Variants in MCF2L2 observed in about 807,000 individuals in gnomAD.
MCF2L2 encodes the protein probable guanine nucleotide exchange factor MCF2L2.
A neutral mutation model predicts 150.2 loss-of-function variants in MCF2L2; 102 were observed. The ratio of observed to expected loss-of-function variants is 0.68; its 90% CI spans 0.58 to 0.80. The LOEUF is 0.80. Ranked by LOEUF, MCF2L2 falls within the 30% of genes least tolerant of loss-of-function variation. The pLI is 0.00. For missense variants in MCF2L2, 1,256 were observed against 1,372.8 expected, an observed-to-expected ratio of 0.91 and a Z score of 1.34; for synonymous variants, 465 against 491.3, an observed-to-expected ratio of 0.95 and a Z score of 0.71.
intron 22 of MCF2L2, among the ~76,000 whole-genome samples, chr3:183,213,419 AT>A (rs1271157044): frequency 6.6e-6 from 1 of 151,904 alleles, no homozygotes; most frequent in South Asian, 2.1e-4. Flanking sequence ...ATCAGAAGGG[AT>A]TTTTTTCTAG....
intron 13 of MCF2L2, among the ~76,000 whole-genome samples, chr3:183,290,954 T>A (rs1728106257): frequency 6.6e-6 from 1 of 152,232 alleles, no homozygotes; most frequent in African/African-American, 2.4e-5. Context: ...CAGAGGCCCC[T>A]TCCAACCCTT....
chr3:183,269,522 G>C, intron 15 of MCF2L2: 2 of 355,284 alleles, frequency 5.6e-6, no homozygotes, highest in Non-Finnish European at 5.1e-6. Flanking sequence ...TCACATGGGA[G>C]AGCCGCATGA....
intron 15 of MCF2L2, among the ~76,000 whole-genome samples, chr3:183,234,707 T>TTA (rs1553885347): frequency 8.8e-6 from 1 of 113,968 alleles, no homozygotes; most frequent in Admixed American, 9.6e-5. Context: ...TTTTTTTTTT[T>TTA]TTATTATACT....
chr3:183,278,989 A>G (rs1727323654), intron 14 of MCF2L2, among the ~76,000 whole-genome samples: 1 of 152,216 alleles, frequency 6.6e-6, no homozygotes, highest in Admixed American at 6.5e-5. Context: ...CTAATGGAAT[A>G]TAACACTGGT....
chr3:183,219,884 T>C lies in MCF2L2; in HGVS notation c.2342A>G (p.Asp781Gly), dbSNP rs760866201. ...DFESPEDMEI[D>G]PGELGGSAKD... ...AGCCGAGCCTCCTAGTTCACCTGGGTCTATCTCCATATCTTCAGGAGACTC... is the reference window on the plus strand; with the variant it reads ...AGCCGAGCCTCCTAGTTCACCTGGGCCTATCTCCATATCTTCAGGAGACTC... The change falls in exon 21 of 30, where the codon GAC becomes GGC. Residue 781 changes from aspartate (D) to glycine (G), a missense_variant. Physicochemically the swap from Asp to Gly is moderately conservative, Grantham distance 94. Coordinates refer to ENST00000328913, the MANE Select transcript of MCF2L2 (RefSeq NM_015078.4). The C allele has an allele frequency of 6.2e-7, 1 of 1,613,540 alleles. No individual in the cohort carries two copies. The highest frequency in any genetic ancestry group is 2.2e-5 in the East Asian group (1 of 44,862).
At chr3:183,370,631 T>C (rs941605906) in intron 3 of MCF2L2, among the ~76,000 whole-genome samples, 1 of 151,930 alleles carries the variant, frequency 6.6e-6, no homozygotes, top group African/African-American at 2.4e-5. Context: ...CCCAGGCAAA[T>C]GAACAAAGAA....
At chr3:183,204,414 A>G (rs1722401272) in intron 25 of MCF2L2, among the ~76,000 whole-genome samples, 1 of 152,080 alleles carries the variant, frequency 6.6e-6, no homozygotes, top group African/African-American at 2.4e-5. Context: ...AGGGAAATGT[A>G]AATCAAAATC....
chr3:183,209,140 A>G (rs533393305), intron 22 of MCF2L2, among the ~76,000 whole-genome samples: 1 of 152,234 alleles, frequency 6.6e-6, no homozygotes, highest in Admixed American at 6.5e-5. Context: ...GAATTTTTTC[A>G]CTCTATCTGC....
intron 1 of MCF2L2, among the ~76,000 whole-genome samples, chr3:183,390,984 A>G (rs1159852983): frequency 1.3e-5 from 2 of 152,232 alleles, no homozygotes; most frequent in African/African-American, 4.8e-5. Flanking sequence ...TAGTTAGATT[A>G]AGGCATGAAC....
intron 3 of MCF2L2, among the ~76,000 whole-genome samples, chr3:183,355,312 G>A (rs527981256): frequency 1.0e-3 from 156 of 152,220 alleles, no homozygotes; most frequent in Middle Eastern, 3.4e-3. Flanking sequence ...TAAGGATACT[G>A]ACCTTAGAAA....
At chr3:183,406,668 T>C (rs995287984) in intron 1 of MCF2L2, among the ~76,000 whole-genome samples, 1 of 152,174 alleles carries the variant, frequency 6.6e-6, no homozygotes, top group Non-Finnish European at 1.5e-5. Context: ...TTTGTATTTT[T>C]AGTAGAGACG....
intron 5 of MCF2L2, among the ~76,000 whole-genome samples, chr3:183,326,574 T>C (rs1050235944): frequency 1.3e-5 from 2 of 149,584 alleles, no homozygotes; most frequent in South Asian, 2.1e-4. Context: ...TCACAAGAAG[T>C]TGCAAAGATA....
At chr3:183,306,300 A>C (rs975637424) in intron 10 of MCF2L2, among the ~76,000 whole-genome samples, 1 of 152,078 alleles carries the variant, frequency 6.6e-6, no homozygotes, top group African/African-American at 2.4e-5. Flanking sequence ...TATACCTCCC[A>C]CTCAGGATAA....
intron 15 of MCF2L2, among the ~76,000 whole-genome samples, chr3:183,260,693 T>A (rs189934475): frequency 1.3e-5 from 2 of 152,296 alleles, no homozygotes; most frequent in Admixed American, 1.3e-4. Context: ...AGGAAACAGA[T>A]CTACACCCAT....
At chr3:183,390,622 G>A (rs1714086949) in intron 1 of MCF2L2, among the ~76,000 whole-genome samples, 2 of 152,160 alleles carry the variant, frequency 1.3e-5, no homozygotes, top group Admixed American at 1.3e-4. Flanking sequence ...TTATTTCCCA[G>A]GGAATCTTAA....
In MCF2L2 at chr3:183,295,483, G is replaced by C. The variant is rs1245564359; in HGVS notation, c.1498-6C>G. 24 of 1,613,960 alleles carry C rather than the reference G, an allele frequency of 1.5e-5. No individual in the cohort carries two copies. The highest frequency in any genetic ancestry group is 1.9e-5 in the Non-Finnish European group (22 of 1,179,914). ...AAAACTTTCTGGGCTTTGGCCTACA[G>C]TAACAAAAGCAAATCATGATGAACA... On this transcript the variant is annotated splice_region_variant and splice_polypyrimidine_tract_variant and intron_variant, in intron 12 of 29. Coordinates refer to ENST00000328913, the MANE Select transcript of MCF2L2 (RefSeq NM_015078.4).
In MCF2L2 at chr3:183,318,322, A is replaced by T. The variant is rs1296809931; in HGVS notation, c.604-105T>A. Reference sequence around the variant, plus strand: ...TAGTTGATAAAATTAGTGAATAATCACCTCACCTTGGAAATGGTATAGAGG... The same window carrying T: ...TAGTTGATAAAATTAGTGAATAATCTCCTCACCTTGGAAATGGTATAGAGG... On this transcript the variant is annotated intron_variant, in intron 6 of 29. Transcript: ENST00000328913. The T allele has an allele frequency of 3.8e-6, 5 of 1,310,978 alleles. No individual in the cohort carries two copies. The African/African-American group carries it at 7.2e-5, about 19-fold the overall frequency. The allele number at this position is 1,310,978 out of a possible 1,614,324, so 81.2% of individuals were successfully genotyped here. A position where few individuals can be genotyped will look rare whatever the true frequency, so the allele number is the denominator to read the frequency against.
intron 5 of MCF2L2, among the ~76,000 whole-genome samples, chr3:183,330,734 G>A (rs1730239135): frequency 6.6e-6 from 1 of 151,628 alleles, no homozygotes. Context: ...TGTTTAAAAA[G>A]TTTTTATATT....
Position 183,300,939 on chromosome 3 carries a change from C to T in MCF2L2, c.1114-743G>A, listed in dbSNP as rs549322923. On this transcript the variant is annotated intron_variant, in intron 10 of 29. Transcript: ENST00000328913. Reference sequence around the variant, plus strand: ...CTGAGGCAGGAGAATCGCTTGAACCCGGGAGGCGGAGATTGCAGTGAATTG... The same window carrying T: ...CTGAGGCAGGAGAATCGCTTGAACCTGGGAGGCGGAGATTGCAGTGAATTG... Among the ~76,000 whole-genome samples the T allele has an allele frequency of 3.2e-3, 442 of 140,294 alleles. 2 individuals carry two copies. The highest frequency in any genetic ancestry group is 0.01 in the African/African-American group (383 of 37,664). The allele number at this position is 140,294 out of a possible 152,430, so 92.0% of individuals were successfully genotyped here.
Sources: allele counts gnomAD v4.1 joint callset (sites outside exome capture counted in the v4.1 genomes callset), GRCh38; gene constraint gnomAD v4.1.1; transcripts MANE v1.5; gene names NCBI Gene and HGNC (gene_info 2026-07-23, HGNC 2026-07-21).